The following XKR4 variants were observed in gnomAD, a reference collection of about 807,000 sequenced individuals.
The protein encoded by XKR4 is XK related 4.
Under a neutral mutation model 53.9 loss-of-function variants are expected in XKR4, and 12 were observed. That is an observed-to-expected ratio of 0.22 (90% CI 0.14 to 0.36). XKR4 has a LOEUF of 0.36. XKR4 is among the 10% of genes least tolerant of loss of function. The probability of loss-of-function intolerance (pLI) is 1.00; values close to 1 mark genes in which losing one functional copy is unlikely to be tolerated. For missense variants in XKR4, 799 were observed against 859.5 expected (o/e 0.93, Z 0.88); for synonymous variants, 354 against 362.4 (o/e 0.98, Z 0.26).
At chr8:55,284,350 T>C (rs1312524706) in intron 1 of XKR4, among the ~76,000 whole-genome samples, 1 of 152,198 alleles carries the variant, frequency 6.6e-6, no homozygotes, top group Admixed American at 6.5e-5. Context: ...GGCCCGAAAT[T>C]CAGGAGCAAC....
At chr8:55,203,798 T>A (rs1817606978) in intron 1 of XKR4, among the ~76,000 whole-genome samples, 1 of 152,132 alleles carries the variant, frequency 6.6e-6, no homozygotes, top group Non-Finnish European at 1.5e-5. Flanking sequence ...AAATGACTCA[T>A]AAAGGGGTTT....
At chr8:55,126,790 A>G (rs1405639134) in intron 1 of XKR4, among the ~76,000 whole-genome samples, 1 of 152,230 alleles carries the variant, frequency 6.6e-6, no homozygotes, top group Non-Finnish European at 1.5e-5. Context: ...CATTTAGTCA[A>G]ATAGCATGTA....
At chr8:55,450,776 G>C in intron 2 of XKR4, 1 of 543,252 alleles carries the variant, frequency 1.8e-6, no homozygotes, top group Non-Finnish European at 3.5e-6. Context: ...CAGTAGAAGG[G>C]GTCTGAGAAC....
chr8:55,457,494 T>TC (rs1805588435), intron 2 of XKR4, among the ~76,000 whole-genome samples: 2 of 151,940 alleles, frequency 1.3e-5, no homozygotes, highest in African/African-American at 4.8e-5. Context: ...TCAAAACTAT[T>TC]CCCCAAAAAA....
chr8:55,465,745 A>G (rs1286021043), intron 2 of XKR4, among the ~76,000 whole-genome samples: 1 of 152,156 alleles, frequency 6.6e-6, no homozygotes, highest in East Asian at 1.9e-4. Flanking sequence ...CATCTGACAA[A>G]GGGCTAATAT....
At chr8:55,238,802 C>T (rs972387087) in intron 1 of XKR4, among the ~76,000 whole-genome samples, 50 of 152,172 alleles carry the variant, frequency 3.3e-4, no homozygotes, top group African/African-American at 9.2e-4. Flanking sequence ...TAAATTAAAA[C>T]CTCAAATTTC....
At chr8:55,394,527 T>C (rs900422927) in intron 2 of XKR4, among the ~76,000 whole-genome samples, 7 of 152,222 alleles carry the variant, frequency 4.6e-5, no homozygotes, top group African/African-American at 1.7e-4. Context: ...CACTGATTCA[T>C]AGAACAAATA....
At chr8:55,365,851 T>G (rs964423266) in intron 2 of XKR4, among the ~76,000 whole-genome samples, 2 of 152,080 alleles carry the variant, frequency 1.3e-5, no homozygotes, top group Non-Finnish European at 2.9e-5. Flanking sequence ...GCTAGAGGAC[T>G]GAAGGAAGAG....
chr8:55,452,153 C>T, intron 2 of XKR4: 2 of 712,230 alleles, frequency 2.8e-6, no homozygotes, highest in African/African-American at 1.8e-5. Flanking sequence ...GCAGCTTATG[C>T]AGCTGCTTGC....
chr8:55,510,532 T>C (rs993046853), intron 2 of XKR4, among the ~76,000 whole-genome samples: 5 of 151,522 alleles, frequency 3.3e-5, no homozygotes, highest in Admixed American at 1.3e-4. Context: ...TCTGATGGAG[T>C]CCTAAACTCA....
At position 55,523,373 on chromosome 8, in the gene XKR4, A is replaced by T; in HGVS notation, c.1099A>T (p.Ile367Phe). Reference sequence around the variant, plus strand: ...GGACTCTCGAGATGACAAGAAGCCCATCAGCTACATGGCCGTCATCATCCA... The same window carrying T: ...GGACTCTCGAGATGACAAGAAGCCCTTCAGCTACATGGCCGTCATCATCCA... ...LRDSRDDKKP[I>F]SYMAVIIQFC... The change falls in exon 3 of 3, where the codon ATC becomes TTC. Residue 367 changes from isoleucine to phenylalanine, a missense_variant. By Grantham distance (21) the Ile-to-Phe change is conservative (BLOSUM62 0). Coordinates refer to ENST00000327381, the MANE Select transcript of XKR4 (RefSeq NM_052898.2). 1 of 1,614,228 alleles carries T rather than the reference A, an allele frequency of 6.2e-7. No homozygotes were observed. Among genetic ancestry groups the T allele is most frequent in the Non-Finnish European group, 8.5e-7 (1 of 1,180,042 alleles).
intron 2 of XKR4, among the ~76,000 whole-genome samples, chr8:55,442,258 A>G (rs1805280871): frequency 6.6e-6 from 1 of 152,238 alleles, no homozygotes; most frequent in Non-Finnish European, 1.5e-5. Context: ...CGTATTATAA[A>G]AGCTGATTCA....
At chr8:55,449,123 A>G (rs2129395913) in intron 2 of XKR4, among the ~76,000 whole-genome samples, 1 of 151,780 alleles carries the variant, frequency 6.6e-6, no homozygotes, top group South Asian at 2.1e-4. Context: ...AAAATTGACC[A>G]AAGGTGATAA....
chr8:55,286,157 C>G (rs767140445), intron 1 of XKR4, among the ~76,000 whole-genome samples: 2 of 152,112 alleles, frequency 1.3e-5, no homozygotes, highest in African/African-American at 4.8e-5. Context: ...AAGAGGGTCT[C>G]CTCCCTCAAA....
At chr8:55,364,461 C>G (rs945563725) in intron 2 of XKR4, among the ~76,000 whole-genome samples, 7 of 152,230 alleles carry the variant, frequency 4.6e-5, no homozygotes, top group Non-Finnish European at 1.0e-4. Flanking sequence ...CCCCTCAGGA[C>G]ACTGAATATT....
At chr8:55,372,040 T>C (rs547726213) in intron 2 of XKR4, among the ~76,000 whole-genome samples, 4 of 152,320 alleles carry the variant, frequency 2.6e-5, no homozygotes, top group Non-Finnish European at 5.9e-5. Flanking sequence ...CACACAGACA[T>C]GTTCAGGCAC....
chr8:55,170,254 AGG>A (rs758713470), intron 1 of XKR4, among the ~76,000 whole-genome samples: 18 of 152,184 alleles, frequency 1.2e-4, no homozygotes, highest in African/African-American at 4.1e-4. Context: ...TATAAAGCAA[AGG>A]GGACTCCATG....
chr8:55,302,111 G>C (rs1184718503), intron 1 of XKR4, among the ~76,000 whole-genome samples: 2 of 151,924 alleles, frequency 1.3e-5, no homozygotes, highest in Admixed American at 6.5e-5. Flanking sequence ...TTTTCTTCTA[G>C]GGTTTTTATG....
intron 1 of XKR4, among the ~76,000 whole-genome samples, chr8:55,233,480 G>A (rs2129367187): frequency 6.6e-6 from 1 of 152,274 alleles, no homozygotes; most frequent in East Asian, 1.9e-4. Flanking sequence ...TCACCTGGAA[G>A]GGCATGGCCT....
Sources: gnomAD v4.1 joint callset for allele counts (sites outside exome capture counted in the v4.1 genomes callset) on GRCh38, gnomAD v4.1.1 for gene constraint, MANE v1.5 for transcripts, NCBI Gene and HGNC (gene_info 2026-07-23, HGNC 2026-07-21) for gene names.